The following UNC80 variants were observed in gnomAD, a reference collection of about 807,000 sequenced individuals.
UNC80 encodes protein unc-80 homolog.
UNC80 carries 164 observed loss-of-function variants against 384.6 expected under a neutral mutation model. The ratio of observed to expected loss-of-function variants is 0.43; its 90% CI spans 0.38 to 0.49. UNC80 has a LOEUF of 0.49. Among genes scored for constraint, UNC80 ranks in the 20% least tolerant of loss-of-function variants. The probability of loss-of-function intolerance (pLI) is 0.00; values close to 1 mark genes in which losing one functional copy is unlikely to be tolerated. For synonymous variants in UNC80, 1,486 were observed against 1,527.8 expected (o/e 0.97, Z 0.64); for missense variants, 3,330 against 4,143.0 (o/e 0.80, Z 5.39).
intron 44 of UNC80, 114 bp from the exon 45 acceptor site, chr2:209,943,266 G>A: frequency 1.5e-6 from 2 of 1,363,336 alleles, no homozygotes; most frequent in Non-Finnish European, 2.0e-6. Flanking sequence ...CTCTCTACCA[G>A]TTTACAAAGT....
At chr2:209,936,657 T>G (rs2091266302) in intron 40 of UNC80, among the ~76,000 whole-genome samples, 187 bp from the exon 41 acceptor site, 1 of 151,872 alleles carries the variant, frequency 6.6e-6, no homozygotes, top group South Asian at 2.1e-4. Context: ...TATGTGTGTG[T>G]GTATGTGTAT....
At chr2:209,791,127 A>C (rs2077769248) in intron 6 of UNC80, among the ~76,000 whole-genome samples, 1 of 152,132 alleles carries the variant, frequency 6.6e-6, no homozygotes, top group Non-Finnish European at 1.5e-5. Context: ...CTCTAAATCC[A>C]GGCCCTCATG....
intron 29 of UNC80, among the ~76,000 whole-genome samples, chr2:209,908,530 A>G (rs896140309): frequency 1.3e-5 from 2 of 152,250 alleles, no homozygotes; most frequent in African/African-American, 2.4e-5. Flanking sequence ...AATAGGATAA[A>G]TGTTTAATTA....
At chr2:209,937,667 C>A in intron 42 of UNC80, 37 bp downstream of exon 42, 3 of 1,459,422 alleles carry the variant, frequency 2.1e-6, no homozygotes, top group African/African-American at 1.4e-5. Flanking sequence ...ATGGTTTTGT[C>A]ATGTTGTTGG....
Position 209,825,917 on chromosome 2 carries a change from C to T in UNC80, c.2342C>T (p.Thr781Ile), listed in dbSNP as rs2080484478. The T allele has an allele frequency of 6.5e-7, 1 of 1,542,212 alleles. No individual in the cohort carries two copies. Among genetic ancestry groups the T allele is most frequent in the Non-Finnish European group, 8.7e-7 (1 of 1,143,176 alleles). Residue 781 changes from threonine (T) to isoleucine (I), a missense_variant, in exon 14 of 65, where the codon ACA (threonine) becomes ATA (isoleucine). Physicochemically the swap from Thr to Ile is moderately conservative, Grantham distance 89. Around this residue, in one of 8 missense-constraint regions of UNC80, gnomAD observed 937 missense variants for 1,026.8 expected, o/e 0.91. Coordinates refer to ENST00000673920, the MANE Select transcript of UNC80 (RefSeq NM_001371986.1). ...ATTCGTGGGTACCAGGATGAAAGTA[C>T]ACCTGTAAGCAACCATAGGCTTGCT... ...NDKNQEKDES[T>I]PVSNHRLALT...
chr2:209,904,957 C>G lies in UNC80; in HGVS notation c.4774C>G (p.Gln1592Glu), dbSNP rs1263920573. 5 of 1,551,614 alleles carry G rather than the reference C, an allele frequency of 3.2e-6. No individual in the cohort carries two copies. The Admixed American group carries it at 9.8e-5, about 30-fold the overall frequency. The change falls in exon 29 of 65, where the codon CAG (glutamine) becomes GAG (glutamate). Residue 1592 changes from glutamine to glutamate, a missense_variant. Coordinates refer to ENST00000673920, the MANE Select transcript of UNC80 (RefSeq NM_001371986.1). ...CAGTGTGGCTCTCCGGGGCAAGAAACAGAAAGAAGTAAGTAAATGACCATT... is the reference window on the plus strand; with the variant it reads ...CAGTGTGGCTCTCCGGGGCAAGAAAGAGAAAGAAGTAAGTAAATGACCATT... ...ISSVALRGKK[Q>E]KECSDKSCLR...
At chr2:209,863,382 C>T (rs758731385) in intron 22 of UNC80, among the ~76,000 whole-genome samples, 2 of 152,138 alleles carry the variant, frequency 1.3e-5, no homozygotes, top group Admixed American at 6.5e-5. Flanking sequence ...GTTGGCCTGT[C>T]TTGCTAGGTT....
At chr2:209,853,317 T>C (rs1248345991) in intron 22 of UNC80, among the ~76,000 whole-genome samples, 2 of 152,146 alleles carry the variant, frequency 1.3e-5, no homozygotes, top group Non-Finnish European at 2.9e-5. Context: ...AAAAATAGAA[T>C]TTAAATGTGA....
At chr2:209,773,567 A>G (rs1317315405) in intron 2 of UNC80, among the ~76,000 whole-genome samples, 1 of 152,196 alleles carries the variant, frequency 6.6e-6, no homozygotes, top group African/African-American at 2.4e-5. Flanking sequence ...GAAACATGTT[A>G]AAGGAAATTA....
chr2:209,775,853 T>C (rs2076831655), intron 2 of UNC80, 36 bp from the exon 3 acceptor site: 4 of 1,598,790 alleles, frequency 2.5e-6, no homozygotes. Context: ...TTTTGGATTT[T>C]GGCTTTTCTT....
chr2:209,829,457 T>TCTACCTCCACAAATTTAG, intron 15 of UNC80, 78 bp downstream of exon 15: 1 of 1,471,828 alleles, frequency 6.8e-7, no homozygotes, highest in Non-Finnish European at 9.3e-7. Context: ...GACACTAAAT[T>TCTACCTCCACAAATTTAG]TGTGGAGGTA....
intron 25 of UNC80, among the ~76,000 whole-genome samples, chr2:209,886,990 C>G (rs1351599791): frequency 6.6e-6 from 1 of 151,978 alleles, no homozygotes; most frequent in Non-Finnish European, 1.5e-5. Flanking sequence ...TAGAGGCCAC[C>G]CACATTTCTT....
chr2:209,857,235 AATC>A (rs1167737609), intron 22 of UNC80, among the ~76,000 whole-genome samples: 1 of 152,196 alleles, frequency 6.6e-6, no homozygotes, highest in Non-Finnish European at 1.5e-5. Flanking sequence ...GTCCATGAAA[AATC>A]ATTTGATTTA....
chr2:209,810,354 T>C (rs2079249793), intron 7 of UNC80, among the ~76,000 whole-genome samples: 1 of 152,252 alleles, frequency 6.6e-6, no homozygotes, highest in South Asian at 2.1e-4. Context: ...TCATACATTT[T>C]GTATCAAGGA....
At chr2:209,963,482 G>A (rs765684564) in intron 51 of UNC80, among the ~76,000 whole-genome samples, 1 of 152,172 alleles carries the variant, frequency 6.6e-6, no homozygotes, top group Non-Finnish European at 1.5e-5. Context: ...CCATAAAATG[G>A]CTCTTAAATT....
chr2:209,941,981 C>T (rs1443339239), intron 44 of UNC80, among the ~76,000 whole-genome samples: 1 of 152,168 alleles, frequency 6.6e-6, no homozygotes, highest in Non-Finnish European at 1.5e-5. Context: ...GAATCAGAAA[C>T]TCAGGGATCA....
At chr2:209,972,066 TAC>T in intron 54 of UNC80, 133 bp from the exon 55 acceptor site, 1 of 1,095,664 alleles carries the variant, frequency 9.1e-7, no homozygotes, top group Non-Finnish European at 1.3e-6. Context: ...TTGTATGCTG[TAC>T]AGACAACAAT....
intron 14 of UNC80, among the ~76,000 whole-genome samples, chr2:209,827,888 A>G (rs1475499074): frequency 1.3e-5 from 2 of 152,144 alleles, no homozygotes; most frequent in African/African-American, 2.4e-5. Context: ...CGTATCTTAG[A>G]GTATTAATCT....
Position 209,813,754 on chromosome 2 carries a change from G to A in UNC80, c.1113G>A (p.Pro371=), listed in dbSNP as rs369227740. The A allele has an allele frequency of 1.6e-5, 25 of 1,551,738 alleles. No homozygotes were observed. Among genetic ancestry groups the A allele is most frequent in the Non-Finnish European group, 1.9e-5 (22 of 1,147,048 alleles). The change falls in exon 8 of 65, where the codon CCG becomes CCA. Residue 371 remains proline (P), a synonymous_variant. Coordinates refer to ENST00000673920, the MANE Select transcript of UNC80 (RefSeq NM_001371986.1). The part of the protein sequence containing the change: ...HMLEEKPEKP[P]EPDIPLLPRP... ...TGGAAGAGAAGCCAGAAAAGCCTCC[G>A]GAGCCAGATATTCCTCTCCTGCCCA...
Sources: allele counts gnomAD v4.1 joint callset (sites outside exome capture counted in the v4.1 genomes callset), GRCh38; gene constraint gnomAD v4.1.1; regional missense constraint gnomAD v4.1.1; transcripts MANE v1.5; gene names NCBI Gene and HGNC (gene_info 2026-07-23, HGNC 2026-07-21).